BDH1: variants seen among roughly 807,000 people sequenced by gnomAD.
BDH1 encodes the protein 3-hydroxybutyrate dehydrogenase 1.
Under a neutral mutation model 33.1 loss-of-function variants are expected in BDH1, and 30 were observed. That is an observed-to-expected ratio of 0.91 (90% confidence interval 0.68 to 1.23). The LOEUF (loss-of-function observed/expected upper bound fraction) is 1.23, where lower values mean the gene tolerates loss of function less well. BDH1 is among the 50% of genes most tolerant of loss of function. The probability of loss-of-function intolerance (pLI) is 0.00; values close to 1 mark genes in which losing one functional copy is unlikely to be tolerated. For missense variants in BDH1, 443 were observed against 464.4 expected, an observed-to-expected ratio of 0.95 and a Z score of 0.42; for synonymous variants, 190 against 183.6, an observed-to-expected ratio of 1.03 and a Z score of -0.28.
In BDH1 at chr3:197,523,532, A is replaced by G. The variant is rs1713777765; in HGVS notation, c.268-751T>C. Among the ~76,000 whole-genome samples the G allele has an allele frequency of 6.6e-6, 1 of 152,222 alleles. No homozygotes were observed. The highest frequency in any genetic ancestry group is 2.1e-4 in the South Asian group (1 of 4,834). On this transcript the variant is annotated intron_variant, in intron 5 of 7. Transcript: ENST00000392379. The surrounding 1 kb of genome is among the most constrained non-coding windows in gnomAD (Gnocchi z 4.5). ...AGCCTGTTAAAGAGTCTAAAGCACC[A>G]CACAAATTCAGGTACTGCTAAACAG...
rs886324570 is a variant in BDH1 at position 197,554,553 on chromosome 3, G to A, written c.-44+9C>T. ...CTCCAACGCCTCTTGTAGAAAGAAG[G>A]ACACTGACCAGGACATTTGCAGCGT... On this transcript the variant is annotated intron_variant, in intron 2 of 7. Transcript: ENST00000392379. The surrounding 1 kb of genome is among the most constrained non-coding windows in gnomAD (Gnocchi z 4.4). 1 of 152,224 alleles carries A rather than the reference G, an allele frequency of 6.6e-6. No homozygotes were observed. The highest frequency in any genetic ancestry group is 2.4e-5 in the African/African-American group (1 of 41,442). The allele number at this position is 152,224 out of a possible 1,614,324, so 9.4% of individuals were successfully genotyped here.
intron 4 of BDH1, among the ~76,000 whole-genome samples, chr3:197,532,936 G>T (rs150467569): frequency 6.6e-6 from 1 of 152,246 alleles, no homozygotes; most frequent in African/African-American, 2.4e-5. Context: ...GAGGGCAATG[G>T]CCAGTCTCGG....
upstream of BDH1, among the ~76,000 whole-genome samples, chr3:197,560,658 G>A (rs905820313): frequency 1.3e-5 from 2 of 152,166 alleles, no homozygotes; most frequent in African/African-American, 2.4e-5. Flanking sequence ...CAATGTTCAA[G>A]TGCTATTTCT....
rs1446442908 is a variant in BDH1, at chr3:197,512,238, C to T, written c.689G>A (p.Gly230Asp). ...GGGCTCCACCACGCTGACCTTCACG[C>T]CCAGGGGGTACATCTCATAGCGCAG... ...DCLRYEMYPL[G>D]VKVSVVEPGN... Residue 230 changes from glycine (G) to aspartate (D), a missense_variant, in exon 8 of 8, where the codon GGC becomes GAC. Coordinates refer to ENST00000392379, the MANE Select transcript of BDH1 (RefSeq NM_203314.3). 1 of 1,613,598 alleles carries T rather than the reference C, an allele frequency of 6.2e-7. No individual in the cohort carries two copies. Among genetic ancestry groups the T allele is most frequent in the Non-Finnish European group, 8.5e-7 (1 of 1,180,030 alleles).
chr3:197,562,764 A>C (rs1028036598), intron 1 of BDH1, among the ~76,000 whole-genome samples: 3 of 152,164 alleles, frequency 2.0e-5, no homozygotes, highest in Non-Finnish European at 4.4e-5. Flanking sequence ...TTAAGAAAAA[A>C]AAAAAGAAGC....
intron 3 of BDH1, among the ~76,000 whole-genome samples, chr3:197,542,749 C>A (rs1715759620): frequency 6.6e-6 from 1 of 151,972 alleles, no homozygotes; most frequent in South Asian, 2.1e-4. Flanking sequence ...CTCAAACTCC[C>A]GACCTCAGGT....
intron 3 of BDH1, among the ~76,000 whole-genome samples, chr3:197,541,520 AATGGAG>A (rs1344705234): frequency 2.6e-5 from 4 of 152,148 alleles, no homozygotes; most frequent in African/African-American, 9.7e-5. Flanking sequence ...GGGGGAGGAA[AATGGAG>A]ATGTAGCTGA....
intron 5 of BDH1, among the ~76,000 whole-genome samples, chr3:197,524,677 G>C (rs1191469289): frequency 6.6e-6 from 1 of 151,682 alleles, no homozygotes; most frequent in Non-Finnish European, 1.5e-5. Context: ...GATGGCATGA[G>C]CTGCCTGGAG....
chr3:197,569,919 G>A (rs1717553939), intron 1 of BDH1, among the ~76,000 whole-genome samples: 1 of 152,208 alleles, frequency 6.6e-6, no homozygotes, highest in Admixed American at 6.5e-5. Context: ...TGGGTAACAG[G>A]CAGAGGTTAG....
chr3:197,527,587 A>G (rs1014887683), intron 5 of BDH1, among the ~76,000 whole-genome samples: 1 of 151,920 alleles, frequency 6.6e-6, no homozygotes, highest in Non-Finnish European at 1.5e-5. Context: ...AGCCTTCCCT[A>G]TGCTGATACA....
intron 1 of BDH1, among the ~76,000 whole-genome samples, chr3:197,568,545 G>A (rs1717507679): frequency 6.6e-6 from 1 of 152,056 alleles, no homozygotes; most frequent in African/African-American, 2.4e-5. Context: ...CAGTGAATGA[G>A]CAAGTAAAAC....
At chr3:197,569,965 T>C (rs1057461650) in intron 1 of BDH1, among the ~76,000 whole-genome samples, 5 of 151,570 alleles carry the variant, frequency 3.3e-5, no homozygotes, top group African/African-American at 4.9e-5. Flanking sequence ...ACAGGAAAAA[T>C]GTGAAAAAGT....
chr3:197,546,294 A>C (rs911482978), intron 3 of BDH1, 67 bp downstream of exon 3: 2 of 1,484,612 alleles, frequency 1.3e-6, no homozygotes, highest in Non-Finnish European at 1.9e-6. Context: ...TACACTGTCC[A>C]TGTGTGAAAA....
intron 2 of BDH1, among the ~76,000 whole-genome samples, chr3:197,549,948 T>C (rs1716408088): frequency 1.3e-5 from 2 of 150,582 alleles, no homozygotes; most frequent in South Asian, 4.2e-4. Context: ...CATATATATC[T>C]ATATATGCAC....
chr3:197,515,431 G>A (rs1473884589), intron 6 of BDH1: 9 of 985,648 alleles, frequency 9.1e-6, no homozygotes, highest in Admixed American at 6.2e-5. Context: ...TCTCCCTGCA[G>A]ACGCGCCCTG....
upstream of BDH1, among the ~76,000 whole-genome samples, chr3:197,557,361 G>C (rs1033976938): frequency 2.6e-5 from 4 of 152,178 alleles, no homozygotes; most frequent in African/African-American, 7.2e-5. The surrounding 1 kb of genome is among the most constrained non-coding windows in gnomAD (Gnocchi z 4.6). Flanking sequence ...GTACAGAGAA[G>C]GAATGAATAG....
intron 3 of BDH1, among the ~76,000 whole-genome samples, chr3:197,535,419 G>A (rs1715065729): frequency 6.6e-6 from 1 of 152,130 alleles, no homozygotes; most frequent in African/African-American, 2.4e-5. Context: ...TATTTCACTT[G>A]GACTCGGAAT....
rs115586597 is a variant in BDH1, at chr3:197,525,864, C to T, written c.268-3083G>A. Among the ~76,000 whole-genome samples the T allele has an allele frequency of 3.1e-4, 47 of 151,242 alleles. 1 individual carries two copies. In the South Asian group the frequency reaches 9.6e-3, roughly 31 times the overall value. On this transcript the variant is annotated intron_variant, in intron 5 of 7. Transcript: ENST00000392379. This position sits in a 1 kb window ranked among gnomAD's most constrained non-coding sequence, Gnocchi z 4.9. Reference sequence around the variant, plus strand: ...GTTTCTGTGCTCCCTCTGCAGGTCTCCGTGCTCCCTCTGCAGGTCTGTGTG... The same window carrying T: ...GTTTCTGTGCTCCCTCTGCAGGTCTTCGTGCTCCCTCTGCAGGTCTGTGTG...
At chr3:197,571,134 C>G (rs1717593089) in intron 1 of BDH1, among the ~76,000 whole-genome samples, 1 of 152,176 alleles carries the variant, frequency 6.6e-6, no homozygotes, top group African/African-American at 2.4e-5. Context: ...AACCTTTGGC[C>G]CCTTCGTTTT....
Sources: gnomAD v4.1 joint callset for allele counts (sites outside exome capture counted in the v4.1 genomes callset) on GRCh38, gnomAD v4.1.1 for gene constraint, Gnocchi (gnomAD v3.1) non-coding constraint, MANE v1.5 for transcripts, NCBI Gene and HGNC (gene_info 2026-07-23, HGNC 2026-07-21) for gene names.